Variants in RRBP1 observed in about 807,000 individuals in gnomAD.
RRBP1 encodes the protein ribosome-binding protein 1.
A neutral mutation model predicts 165.2 loss-of-function variants in RRBP1; 94 were observed. The ratio of observed to expected loss-of-function variants is 0.57; its 90% CI spans 0.48 to 0.68. The LOEUF is 0.68. RRBP1 is among the 30% of genes least tolerant of loss of function. The pLI is 0.00. For missense variants in RRBP1, 1,676 were observed against 1,763.0 expected (o/e 0.95, Z 0.88); for synonymous variants, 680 against 714.5 (o/e 0.95, Z 0.77).
At position 17,614,609 on chromosome 20, in the gene RRBP1, C is replaced by A. The variant is rs904366044; in HGVS notation, c.4194+128G>T. The A allele has an allele frequency of 4.0e-6, 5 of 1,235,118 alleles. No homozygotes were observed. In the South Asian group the frequency reaches 4.2e-5, roughly 10 times the overall value. The allele number at this position is 1,235,118 out of a possible 1,614,324, so 76.5% of individuals were successfully genotyped here. ...CTACCTCCGCCCAGCTCTGCCTCCCCTGGGGCTCCCAGCCCAGCGCTCCCA... is the reference window on the plus strand; with the variant it reads ...CTACCTCCGCCCAGCTCTGCCTCCCATGGGGCTCCCAGCCCAGCGCTCCCA... On this transcript the variant is annotated intron_variant, in intron 24 of 24. Transcript: ENST00000377813.
intron 2 of RRBP1, among the ~76,000 whole-genome samples, chr20:17,665,141 GTA>G (rs2036846987): frequency 6.6e-6 from 1 of 151,856 alleles, no homozygotes; most frequent in African/African-American, 2.4e-5. Flanking sequence ...ATGTGTATAT[GTA>G]TATATATGTC....
At chr20:17,679,765 T>C (rs1480061935) in intron 2 of RRBP1, among the ~76,000 whole-genome samples, 2 of 152,232 alleles carry the variant, frequency 1.3e-5, no homozygotes, top group Non-Finnish European at 2.9e-5. Flanking sequence ...AAAATACTCA[T>C]ATACCATGAA....
At chr20:17,615,337 G>T in intron 23 of RRBP1, 94 bp downstream of exon 23, 2 of 1,017,496 alleles carry the variant, frequency 2.0e-6, no homozygotes, top group Non-Finnish European at 2.9e-6. Flanking sequence ...GGTGGGGTCG[G>T]CTCTCCCCTT....
intron 4 of RRBP1, 76 bp from the exon 5 acceptor site, chr20:17,641,995 G>A (rs755096055): frequency 4.9e-5 from 72 of 1,482,688 alleles, no homozygotes; most frequent in Non-Finnish European, 9.2e-7. Context: ...GACAAGAGCA[G>A]AGGCCTGAGG....
chr20:17,638,321 C>A (rs2036285060), intron 5 of RRBP1, among the ~76,000 whole-genome samples: 1 of 152,242 alleles, frequency 6.6e-6, no homozygotes, highest in Admixed American at 6.5e-5. Context: ...AACCAAAGCT[C>A]ATGGAGACCA....
chr20:17,647,526 G>A (rs1345844547), intron 3 of RRBP1, among the ~76,000 whole-genome samples: 1 of 152,228 alleles, frequency 6.6e-6, no homozygotes, highest in East Asian at 1.9e-4. Flanking sequence ...TGCCCAGGGG[G>A]ATGCGGCTGG....
intron 20 of RRBP1, among the ~76,000 whole-genome samples, chr20:17,617,988 T>C (rs1013961482): frequency 6.6e-6 from 1 of 152,208 alleles, no homozygotes; most frequent in African/African-American, 2.4e-5. Context: ...ATCAGACACC[T>C]GAGCTGAACA....
intron 2 of RRBP1, among the ~76,000 whole-genome samples, chr20:17,673,811 G>A (rs1239668652): frequency 6.6e-6 from 1 of 152,230 alleles, no homozygotes; most frequent in African/African-American, 2.4e-5. Flanking sequence ...TAGCTTCAGA[G>A]CAGTGGCTAA....
chr20:17,664,865 G>A (rs1161103096), intron 2 of RRBP1, among the ~76,000 whole-genome samples: 2 of 152,176 alleles, frequency 1.3e-5, no homozygotes, highest in Admixed American at 1.3e-4. Flanking sequence ...AAGGTGACCT[G>A]CTAGGAAGGT....
chr20:17,630,298 A>G (rs1295726998), intron 8 of RRBP1, among the ~76,000 whole-genome samples: 1 of 152,104 alleles, frequency 6.6e-6, no homozygotes, highest in Non-Finnish European at 1.5e-5. Context: ...GACATTTCCC[A>G]ATCCAGTCCT....
At chr20:17,635,405 G>C in intron 7 of RRBP1, 141 bp downstream of exon 7, 1 of 637,054 alleles carries the variant, frequency 1.6e-6, no homozygotes, top group Non-Finnish European at 2.7e-6. Flanking sequence ...ACCCAGACGG[G>C]AGATGGAAGG....
At chr20:17,650,892 G>A (rs2036544650) in intron 3 of RRBP1, among the ~76,000 whole-genome samples, 1 of 152,200 alleles carries the variant, frequency 6.6e-6, no homozygotes, top group Non-Finnish European at 1.5e-5. Flanking sequence ...GATAAAAATA[G>A]ATTTTTTTAA....
At chr20:17,623,174 G>C (rs2035948917) in intron 13 of RRBP1, 1 of 150,910 alleles carries the variant, frequency 6.6e-6, no homozygotes, top group Admixed American at 6.6e-5. Flanking sequence ...ATGGTAGCCA[G>C]ACAGTCTCTG....
Position 17,613,978 on chromosome 20 carries a change from CA to C in RRBP1, c.*203del. The stretch of plus-strand genomic sequence containing the variant: ...GGGCTGCGCCCAGGATAGTGTTTAT[CA>C]AATGTGACACAGGTTCATTTACAAA... On this transcript the variant is annotated 3_prime_UTR_variant, in exon 25 of 25. Coordinates refer to ENST00000377813, the MANE Select transcript of RRBP1 (RefSeq NM_001365613.2). 1.7e-6 allele frequency: 1 copy of C among 598,326 alleles called. No individual in the cohort carries two copies. The allele number at this position is 598,326 out of a possible 1,614,324, so 37.1% of individuals were successfully genotyped here. A position where few individuals can be genotyped will look rare whatever the true frequency, so the allele number is the denominator to read the frequency against.
At chr20:17,620,010 AG>A (rs986485490) in intron 18 of RRBP1, among the ~76,000 whole-genome samples, 8 of 152,112 alleles carry the variant, frequency 5.3e-5, no homozygotes, top group Admixed American at 2.0e-4. Context: ...TGGCGTCTGA[AG>A]GGGGCAGTGG....
intron 9 of RRBP1, among the ~76,000 whole-genome samples, chr20:17,628,094 C>A (rs1016198089): frequency 6.6e-6 from 1 of 152,072 alleles, no homozygotes; most frequent in Non-Finnish European, 1.5e-5. Context: ...CCCCCTCAAC[C>A]CCCAAGACCT....
At chr20:17,629,054 A>T (rs2036092876) in intron 9 of RRBP1, among the ~76,000 whole-genome samples, 1 of 152,224 alleles carries the variant, frequency 6.6e-6, no homozygotes, top group African/African-American at 2.4e-5. Flanking sequence ...TGTGACAGAG[A>T]CTGGCCAGAA....
intron 19 of RRBP1, chr20:17,619,047 T>TAA (rs2035856888): frequency 1.3e-5 from 3 of 238,220 alleles, no homozygotes; most frequent in African/African-American, 6.7e-5. Context: ...ATCAGCCTCC[T>TAA]AAGCAGCTGG....
intron 2 of RRBP1, among the ~76,000 whole-genome samples, chr20:17,667,788 T>G (rs1263263368): frequency 1.3e-5 from 2 of 152,244 alleles, no homozygotes; most frequent in Non-Finnish European, 2.9e-5. Flanking sequence ...TTTTAGGGTC[T>G]TGCCAAAGTA....
Sources: allele counts gnomAD v4.1 joint callset (sites outside exome capture counted in the v4.1 genomes callset), GRCh38; gene constraint gnomAD v4.1.1; transcripts MANE v1.5; gene names NCBI Gene and HGNC (gene_info 2026-07-23, HGNC 2026-07-21).